DHCR7: variants seen among roughly 807,000 people sequenced by gnomAD.
DHCR7 encodes the protein 7-DHC reductase.
DHCR7 carries 40 observed loss-of-function variants against 43.3 expected under a neutral mutation model. That is an observed-to-expected ratio of 0.92 (90% CI 0.72 to 1.20). The LOEUF (loss-of-function observed/expected upper bound fraction) is 1.20. DHCR7 is among the 50% of genes most tolerant of loss of function. The probability of loss-of-function intolerance (pLI) is 0.00; values close to 1 mark genes in which losing one functional copy is unlikely to be tolerated. For synonymous variants in DHCR7, 298 were observed against 271.4 expected (o/e 1.10, Z -0.96); for missense variants, 608 against 644.6 (o/e 0.94, Z 0.62).
rs1949253495 is a variant in DHCR7 at position 71,434,843 on chromosome 11, G to A, written c.*532C>T. On this transcript the variant is annotated 3_prime_UTR_variant, in exon 9 of 9. Transcript: ENST00000355527. ...AAGCCCCTTTCTCCCCAGTGTCCCAGTTCAACACCGTGCACGCTACCAAGG... is the reference window on the plus strand; with the variant it reads ...AAGCCCCTTTCTCCCCAGTGTCCCAATTCAACACCGTGCACGCTACCAAGG... 2 of 344,196 alleles carry A rather than the reference G, an allele frequency of 5.8e-6. No individual in the cohort carries two copies. Among genetic ancestry groups the A allele is most frequent in the South Asian group, 4.5e-5 (2 of 44,862 alleles). 21.3% of individuals were successfully genotyped at this position (344,196 alleles called of 1,614,324 possible). A position where few individuals can be genotyped will look rare whatever the true frequency, so the allele number is the denominator to read the frequency against.
In DHCR7 at chr11:71,441,439, C is replaced by G; in HGVS notation, c.414G>C (p.Gly138=). ...CATTGATCTGATACTTGTTCACAACCCCTGCAGATGAAGGATTCAGAAATG... is the reference window on the plus strand; with the variant it reads ...CATTGATCTGATACTTGTTCACAACGCCTGCAGATGAAGGATTCAGAAATG... ...GIQEGAVTPA[G]VVNKYQINGL... Residue 138 remains glycine (G), a splice_region_variant and synonymous_variant, in exon 6 of 9, where the codon GGG becomes GGC. Coordinates refer to ENST00000355527, the MANE Select transcript of DHCR7 (RefSeq NM_001360.3). The G allele has an allele frequency of 3.1e-6, 5 of 1,610,812 alleles. No homozygotes were observed. The highest frequency in any genetic ancestry group is 4.2e-6 in the Non-Finnish European group (5 of 1,177,996).
intron 4 of DHCR7, among the ~76,000 whole-genome samples, 178 bp from the exon 5 acceptor site, chr11:71,442,531 A>T (rs1949360109): frequency 6.6e-6 from 1 of 152,164 alleles, no homozygotes. Context: ...CAATAAACTC[A>T]TCAACCAGGG....
At chr11:71,443,468 A>G (rs1949369414) in intron 4 of DHCR7, among the ~76,000 whole-genome samples, 1 of 152,180 alleles carries the variant, frequency 6.6e-6, no homozygotes, top group Non-Finnish European at 1.5e-5. Context: ...CAGGTTTACA[A>G]CAACCCCTTC....
At chr11:71,448,411 C>T (rs1387866373), upstream of DHCR7, 2 of 152,390 alleles carry the variant, frequency 1.3e-5, no homozygotes, top group Non-Finnish European at 2.9e-5. Context: ...GGGCGCCCGC[C>T]CCCGGATGAT....
intron 8 of DHCR7, 83 bp from the exon 9 acceptor site, chr11:71,435,922 G>A (rs1367002705): frequency 3.4e-6 from 4 of 1,161,072 alleles, no homozygotes; most frequent in Admixed American, 2.0e-5. Context: ...CAGCGGCCTG[G>A]GGTCAAACCC....
At chr11:71,428,753 C>T (rs1432759281) in exon 3 of DHCR7, 4 of 447,192 alleles carry the variant, frequency 8.9e-6, no homozygotes, top group Non-Finnish European at 1.3e-5. Flanking sequence ...CCAGATGGTT[C>T]TGCAGACGCC....
chr11:71,435,292 GTTGGA>G lies in DHCR7; in HGVS notation c.*78_*82del. 6.9e-7 allele frequency: 1 copy of G among 1,445,622 alleles called. No individual in the cohort carries two copies. The highest frequency in any genetic ancestry group is 9.6e-7 in the Non-Finnish European group (1 of 1,038,234). The allele number at this position is 1,445,622 out of a possible 1,614,324, so 89.5% of individuals were successfully genotyped here. On this transcript the variant is annotated 3_prime_UTR_variant, in exon 9 of 9. Transcript: ENST00000355527. ...AGATGAGGAAACTGAGGCTCCTCGA[GTTGGA>G]GCTGGGATGCCAGCCCCCATGGACC...
chr11:71,441,873 G>T (rs1197662883), intron 5 of DHCR7, among the ~76,000 whole-genome samples: 5 of 152,200 alleles, frequency 3.3e-5, no homozygotes, highest in Admixed American at 3.3e-4. Flanking sequence ...GCACCCACGT[G>T]AGAGGCACAA....
At position 71,442,002 on chromosome 11, in the gene DHCR7, C is replaced by T. The variant is rs190561005; in HGVS notation, c.412+261G>A. On this transcript the variant is annotated intron_variant, in intron 5 of 8. Coordinates refer to ENST00000355527, the MANE Select transcript of DHCR7 (RefSeq NM_001360.3). ...GGTCTCTGCAGGAAGCTTCATGGGC[C>T]GAGTGCATCCCCTGCTATGGGGCTG... Among the ~76,000 whole-genome samples the T allele has an allele frequency of 3.9e-3, 590 of 152,308 alleles. 6 individuals carry two copies. Among genetic ancestry groups the T allele is most frequent in the African/African-American group, 0.013 (556 of 41,542 alleles).
At position 71,444,018 on chromosome 11, in the gene DHCR7, A is replaced by G. The variant is rs104886041; in HGVS notation, c.296T>C (p.Leu99Pro). ...CTGGAAGGTGACCCACAAGGTATAG[A>G]GCTGGGCGGCTTTCCTCGTTATAGG... ...TPPITRKAAQ[L>P]YTLWVTFQVL... The change falls in exon 4 of 9, where the codon CTC (leucine) becomes CCC (proline). Residue 99 changes from leucine to proline, a missense_variant. By Grantham distance (98) the Leu-to-Pro change is moderately conservative. Coordinates refer to ENST00000355527, the MANE Select transcript of DHCR7 (RefSeq NM_001360.3). 17 of 1,612,960 alleles carry G rather than the reference A, an allele frequency of 1.1e-5. No homozygotes were observed. Among genetic ancestry groups the G allele is most frequent in the Non-Finnish European group, 1.4e-5 (17 of 1,179,490 alleles).
chr11:71,435,298 G>T lies in DHCR7; in HGVS notation c.*77C>A. 1 of 1,487,902 alleles carries T rather than the reference G, an allele frequency of 6.7e-7. No homozygotes were observed. The highest frequency in any genetic ancestry group is 9.3e-7 in the Non-Finnish European group (1 of 1,076,128). The allele number at this position is 1,487,902 out of a possible 1,614,324, so 92.2% of individuals were successfully genotyped here. A position where few individuals can be genotyped will look rare whatever the true frequency, so the allele number is the denominator to read the frequency against. On this transcript the variant is annotated 3_prime_UTR_variant, in exon 9 of 9. Transcript: ENST00000355527. ...GGAAACTGAGGCTCCTCGAGTTGGA[G>T]CTGGGATGCCAGCCCCCATGGACCT...
rs114143715 is a variant in DHCR7 at position 71,435,347 on chromosome 11, C to T, written c.*28G>A. 1.2e-6 allele frequency: 2 copies of T among 1,607,478 alleles called. No individual in the cohort carries two copies. Among genetic ancestry groups the T allele is most frequent in the Non-Finnish European group, 8.5e-7 (1 of 1,178,316 alleles). On this transcript the variant is annotated 3_prime_UTR_variant, in exon 9 of 9. Coordinates refer to ENST00000355527, the MANE Select transcript of DHCR7 (RefSeq NM_001360.3). ...CTGGCAGAACACGCTCTTGACAGCC[C>T]CACAGGGCTTCTCCCTAGGGCGTGC...
At chr11:71,438,759 A>C in intron 7 of DHCR7, 120 bp downstream of exon 7, 1 of 1,061,540 alleles carries the variant, frequency 9.4e-7, no homozygotes, top group Non-Finnish European at 1.4e-6. Flanking sequence ...ACACCTGGGG[A>C]GGGCAGCTGA....
chr11:71,438,594 C>T (rs1428719000), intron 7 of DHCR7, among the ~76,000 whole-genome samples: 1 of 152,134 alleles, frequency 6.6e-6, no homozygotes, highest in East Asian at 1.9e-4. Flanking sequence ...AACTCCCACA[C>T]ACCCCCAGAT....
chr11:71,445,755 A>C (rs989715823), intron 2 of DHCR7, among the ~76,000 whole-genome samples: 1 of 152,240 alleles, frequency 6.6e-6, no homozygotes, highest in Non-Finnish European at 1.5e-5. Context: ...AAGCAGTGAC[A>C]TCCCCACTTC....
intron 7 of DHCR7, 45 bp downstream of exon 7, chr11:71,438,825 TCCCCCAGAG>T: frequency 6.3e-7 from 1 of 1,581,992 alleles, no homozygotes; most frequent in East Asian, 2.2e-5. Context: ...GCTTGCGGGT[TCCCCCAGAG>T]CCTGCCGGCA....
At position 71,444,106 on chromosome 11, in the gene DHCR7, C is replaced by G. The variant is rs144512551; in HGVS notation, c.208G>C (p.Gly70Arg). The G allele has an allele frequency of 5.0e-6, 8 of 1,612,838 alleles. No individual in the cohort carries two copies. The highest frequency in any genetic ancestry group is 1.6e-4 in the Middle Eastern group (1 of 6,062). Residue 70 changes from glycine to arginine, a missense_variant, in exon 4 of 9, where the codon GGC becomes CGC. By Grantham distance (125) the Gly-to-Arg change is moderately radical. Transcript: ENST00000355527. ...CCGGTGACGATGTCCACCACAGGGC[C>G]AGTCAGGGCGCAGCTGTACTGGTCA... Reference protein sequence around the residue: ...ACDQYSCALTGPVVDIVTGHA... With the variant: ...ACDQYSCALTRPVVDIVTGHA...
intron 8 of DHCR7, among the ~76,000 whole-genome samples, chr11:71,436,469 CCTGA>C (rs1264074125): frequency 3.3e-5 from 5 of 152,206 alleles, no homozygotes; most frequent in South Asian, 4.1e-4. Flanking sequence ...TTGAGACCAG[CCTGA>C]CTAACATGGT....
intron 2 of DHCR7, 48 bp from the exon 3 acceptor site, chr11:71,445,006 C>G: frequency 6.5e-7 from 1 of 1,528,404 alleles, no homozygotes; most frequent in Non-Finnish European, 9.1e-7. Context: ...ATAACAGACA[C>G]CACCTTTCCC....
Sources: gnomAD v4.1 joint callset for allele counts (sites outside exome capture counted in the v4.1 genomes callset) on GRCh38, gnomAD v4.1.1 for gene constraint, MANE v1.5 for transcripts, NCBI Gene and HGNC (gene_info 2026-07-23, HGNC 2026-07-21) for gene names.